The following FHIT variants were observed in gnomAD, a reference collection of about 807,000 sequenced individuals.
FHIT encodes bis(5'-adenosyl)-triphosphatase.
A neutral mutation model predicts 17.9 loss-of-function variants in FHIT; 19 were observed. The ratio of observed to expected loss-of-function variants is 1.06; its 90% CI spans 0.74 to 1.56. The LOEUF is 1.56. FHIT is among the 40% of genes most tolerant of loss of function. FHIT has a pLI of 0.00. For missense variants in FHIT, 248 were observed against 189.2 expected (o/e 1.31, Z -1.82); for synonymous variants, 81 against 69.7 (o/e 1.16, Z -0.81).
In FHIT at chr3:60,672,481, C is replaced by G. The variant is rs546797809; in HGVS notation, c.-17-135502G>C. Reference sequence around the variant, plus strand: ...GGACTTTCACAAGGTAATGTCATCACTTAAGGCAAGGACCAGCCATTTACA... The same window carrying G: ...GGACTTTCACAAGGTAATGTCATCAGTTAAGGCAAGGACCAGCCATTTACA... On this transcript the variant is annotated intron_variant, in intron 4 of 9. Transcript: ENST00000492590. Among the ~76,000 whole-genome samples the G allele has an allele frequency of 2.0e-4, 30 of 152,286 alleles. No homozygotes were observed. The South Asian group carries it at 4.8e-3, about 24-fold the overall frequency.
chr3:60,284,301 G>A (rs1707612231), intron 5 of FHIT, among the ~76,000 whole-genome samples: 1 of 152,126 alleles, frequency 6.6e-6, no homozygotes, highest in Admixed American at 6.5e-5. Context: ...AGACAAATGA[G>A]GTGTAGACGT....
intron 3 of FHIT, among the ~76,000 whole-genome samples, chr3:60,910,032 T>C (rs1266648389): frequency 6.6e-6 from 1 of 152,186 alleles, no homozygotes; most frequent in South Asian, 2.1e-4. Flanking sequence ...ACCTATTATT[T>C]TGAATGCTCA....
chr3:60,953,413 C>T (rs1231399160), intron 3 of FHIT, among the ~76,000 whole-genome samples: 1 of 151,788 alleles, frequency 6.6e-6, no homozygotes, highest in Non-Finnish European at 1.5e-5. Flanking sequence ...GCTATTTGGA[C>T]CGAAATCCTT....
intron 2 of FHIT, among the ~76,000 whole-genome samples, chr3:61,051,884 C>T (rs918892161): frequency 1.3e-5 from 2 of 152,150 alleles, no homozygotes; most frequent in African/African-American, 2.4e-5. Context: ...AGTAAGAATG[C>T]ACATCTGTTC....
chr3:60,892,959 G>C lies in FHIT; in HGVS notation c.-110-70948C>G, dbSNP rs1306362048. Among the ~76,000 whole-genome samples, 3 of 152,158 alleles carry C rather than the reference G, an allele frequency of 2.0e-5. No individual in the cohort carries two copies. In the East Asian group the frequency reaches 5.8e-4, roughly 29 times the overall value. ...TACTTTTATATTTATAGAAATCTCT[G>C]TTGTCCAGATTTTCTGCAATGGGTA... On this transcript the variant is annotated intron_variant, in intron 3 of 9. Transcript: ENST00000492590.
chr3:60,769,712 A>C lies in FHIT; in HGVS notation c.-18+52207T>G, dbSNP rs1553722528. Among the ~76,000 whole-genome samples the C allele has an allele frequency of 1.3e-5, 2 of 152,242 alleles. 1 individual carries two copies. Among genetic ancestry groups the C allele is most frequent in the Non-Finnish European group, 2.9e-5 (2 of 68,040 alleles). ...TGCCTTGTGTGAACGCAGTTTGAAC[A>C]TTCAGCAGTCTATGTGTGGTTGAAG... On this transcript the variant is annotated intron_variant, in intron 4 of 9. Transcript: ENST00000492590.
intron 8 of FHIT, among the ~76,000 whole-genome samples, chr3:59,767,863 C>T (rs1559587525): frequency 6.6e-6 from 1 of 152,188 alleles, no homozygotes; most frequent in African/African-American, 2.4e-5. Context: ...TCTATTCCCC[C>T]TCCTCATATA....
chr3:61,002,894 T>C (rs1026796095), intron 3 of FHIT, among the ~76,000 whole-genome samples: 17 of 152,250 alleles, frequency 1.1e-4, no homozygotes, highest in African/African-American at 4.1e-4. Context: ...TTGCCTGGAA[T>C]CCCTTCAATG....
intron 4 of FHIT, among the ~76,000 whole-genome samples, chr3:60,629,175 T>C (rs1454527213): frequency 6.6e-6 from 1 of 151,962 alleles, no homozygotes; most frequent in African/African-American, 2.4e-5. Flanking sequence ...TGTTCCTCAG[T>C]GAGATACCAT....
chr3:60,917,555 T>C (rs1465758769), intron 3 of FHIT, among the ~76,000 whole-genome samples: 1 of 152,258 alleles, frequency 6.6e-6, no homozygotes. Flanking sequence ...TTCTCCTCCC[T>C]ACACTGGCCT....
At chr3:60,879,590 T>C (rs1054670364) in intron 3 of FHIT, among the ~76,000 whole-genome samples, 18 of 151,844 alleles carry the variant, frequency 1.2e-4, no homozygotes, top group African/African-American at 4.1e-4. Flanking sequence ...AATCAATGAA[T>C]TGCCAGAAAA....
At chr3:60,304,063 T>C (rs1170270150) in intron 5 of FHIT, among the ~76,000 whole-genome samples, 4 of 152,174 alleles carry the variant, frequency 2.6e-5, no homozygotes, top group Non-Finnish European at 4.4e-5. Flanking sequence ...GCTTGTCTCC[T>C]TTATTCCTTC....
At chr3:60,363,428 G>C (rs933139223) in intron 5 of FHIT, among the ~76,000 whole-genome samples, 2 of 152,102 alleles carry the variant, frequency 1.3e-5, no homozygotes, top group African/African-American at 2.4e-5. Context: ...ACAATGTATT[G>C]AGCACATAAC....
At chr3:60,220,127 C>T (rs532715175) in intron 5 of FHIT, among the ~76,000 whole-genome samples, 1 of 151,962 alleles carries the variant, frequency 6.6e-6, no homozygotes, top group Admixed American at 6.6e-5. Flanking sequence ...AGATGAAAAA[C>T]AATAATAAGG....
At chr3:60,416,239 G>A (rs1179418134) in intron 5 of FHIT, among the ~76,000 whole-genome samples, 1 of 151,984 alleles carries the variant, frequency 6.6e-6, no homozygotes. Context: ...TAAAAATATT[G>A]GTGAAGAAGA....
Position 59,747,310 on chromosome 3 carries a change from C to T in FHIT, c.*2275G>A, listed in dbSNP as rs1275166503. 6.6e-6 allele frequency among the ~76,000 whole-genome samples: 1 copy of T among 152,072 alleles called. No individual in the cohort carries two copies. The highest frequency in any genetic ancestry group is 1.5e-5 in the Non-Finnish European group (1 of 68,014). On this transcript the variant is annotated 3_prime_UTR_variant, in exon 10 of 10. Coordinates refer to ENST00000492590, the MANE Select transcript of FHIT (RefSeq NM_002012.4). ...AAAGGAATGAGGTTTAATGGACTCG[C>T]AATCATGGAGGAAGGCAAAAGAGGA...
chr3:59,954,436 C>A (rs1707292467), intron 7 of FHIT, among the ~76,000 whole-genome samples: 2 of 152,220 alleles, frequency 1.3e-5, no homozygotes, highest in South Asian at 4.2e-4. Context: ...ACGGTCCCTG[C>A]TCTTTGGAGA....
intron 4 of FHIT, among the ~76,000 whole-genome samples, chr3:60,569,636 T>A (rs2037281908): frequency 6.6e-6 from 1 of 150,394 alleles, no homozygotes; most frequent in Non-Finnish European, 1.5e-5. Context: ...GGCAAGTCCC[T>A]CCCCTACATC....
chr3:61,004,118 G>A (rs1575823779), intron 3 of FHIT, among the ~76,000 whole-genome samples: 1 of 152,142 alleles, frequency 6.6e-6, no homozygotes, highest in East Asian at 1.9e-4. Flanking sequence ...ATCTAGTATC[G>A]GAGCCACATG....
Sources: gnomAD v4.1 joint callset for allele counts (sites outside exome capture counted in the v4.1 genomes callset) on GRCh38, gnomAD v4.1.1 for gene constraint, MANE v1.5 for transcripts, NCBI Gene and HGNC (gene_info 2026-07-23, HGNC 2026-07-21) for gene names.